ADCY5: variants seen among roughly 807,000 people sequenced by gnomAD.
ADCY5 encodes the protein adenylate cyclase type 5.
A neutral mutation model predicts 119.7 loss-of-function variants in ADCY5; 30 were observed. The ratio of observed to expected loss-of-function variants is 0.25; its 90% confidence interval spans 0.19 to 0.34. The LOEUF is 0.34. ADCY5 is among the 10% of genes least tolerant of loss of function. The pLI is 1.00. For synonymous variants in ADCY5, 753 were observed against 762.2 expected (o/e 0.99, Z 0.20); for missense variants, 1,324 against 1,775.2 (o/e 0.75, Z 4.57).
At chr3:123,337,250 C>T (rs1055812954) in intron 3 of ADCY5, among the ~76,000 whole-genome samples, 8 of 152,212 alleles carry the variant, frequency 5.3e-5, no homozygotes, top group Non-Finnish European at 2.9e-5. Flanking sequence ...TGATTCACGG[C>T]TACGACCCAG....
intron 1 of ADCY5, among the ~76,000 whole-genome samples, chr3:123,423,924 C>G (rs981335932): frequency 6.6e-6 from 1 of 152,250 alleles, no homozygotes; most frequent in African/African-American, 2.4e-5. Context: ...CTTCCACACA[C>G]AGGCCAACGC....
chr3:123,372,260 G>A (rs974016742), intron 1 of ADCY5, among the ~76,000 whole-genome samples: 5 of 151,842 alleles, frequency 3.3e-5, no homozygotes, highest in Non-Finnish European at 7.4e-5. Context: ...CCAGCCCCAG[G>A]GACCCCCTCA....
intron 8 of ADCY5, among the ~76,000 whole-genome samples, chr3:123,321,725 T>C (rs147475141): frequency 5.9e-5 from 9 of 152,308 alleles, no homozygotes; most frequent in South Asian, 2.1e-4. Context: ...CCACTCTTCA[T>C]TCCCAATGAG....
chr3:123,366,617 T>C (rs1943449156), intron 1 of ADCY5, among the ~76,000 whole-genome samples: 2 of 152,158 alleles, frequency 1.3e-5, no homozygotes, highest in South Asian at 2.1e-4. Context: ...AAAATTCACT[T>C]ATCTTACACA....
chr3:123,329,373 T>G (rs914174512), intron 5 of ADCY5, among the ~76,000 whole-genome samples: 2 of 152,142 alleles, frequency 1.3e-5, no homozygotes, highest in African/African-American at 4.8e-5. Flanking sequence ...GGGTGCTCCA[T>G]GCCCTAGAGG....
chr3:123,374,006 C>T (rs1943736787), intron 1 of ADCY5, among the ~76,000 whole-genome samples: 1 of 152,142 alleles, frequency 6.6e-6, no homozygotes, highest in Non-Finnish European at 1.5e-5. Flanking sequence ...ATGGGCAGCA[C>T]CATGGGACAT....
chr3:123,326,783 G>C (rs1031332233), intron 7 of ADCY5, among the ~76,000 whole-genome samples: 4 of 113,780 alleles, frequency 3.5e-5, no homozygotes, highest in African/African-American at 1.1e-4. Context: ...GGTAGGATAA[G>C]GTGTCCCTCT....
At chr3:123,313,168 G>T (rs1020621700) in intron 12 of ADCY5, among the ~76,000 whole-genome samples, 1 of 152,194 alleles carries the variant, frequency 6.6e-6, no homozygotes, top group African/African-American at 2.4e-5. Context: ...CACCTGCCAG[G>T]GGAGGTGAAC....
intron 1 of ADCY5, among the ~76,000 whole-genome samples, chr3:123,423,333 C>T (rs1040495480): frequency 2.0e-5 from 3 of 152,192 alleles, no homozygotes; most frequent in Admixed American, 6.5e-5. Flanking sequence ...GAAGGGGAAG[C>T]GGAGGGAAGC....
intron 12 of ADCY5, among the ~76,000 whole-genome samples, chr3:123,311,159 C>T (rs763866173): frequency 6.6e-6 from 1 of 152,220 alleles, no homozygotes; most frequent in African/African-American, 2.4e-5. Flanking sequence ...TAGGAACTGT[C>T]GCATCTCATT....
chr3:123,317,774 C>A (rs551059479), intron 11 of ADCY5, among the ~76,000 whole-genome samples: 3 of 150,512 alleles, frequency 2.0e-5, no homozygotes, highest in South Asian at 2.1e-4. Flanking sequence ...AAAGAAGCAT[C>A]TTTCATGCAG....
At chr3:123,419,453 G>A (rs1231598614) in intron 1 of ADCY5, among the ~76,000 whole-genome samples, 1 of 152,028 alleles carries the variant, frequency 6.6e-6, no homozygotes, top group Non-Finnish European at 1.5e-5. Context: ...TGCCAGACTT[G>A]CATCAGCCTC....
At chr3:123,442,050 C>T (rs1221952910) in intron 1 of ADCY5, among the ~76,000 whole-genome samples, 2 of 151,336 alleles carry the variant, frequency 1.3e-5, no homozygotes, top group African/African-American at 2.4e-5. Context: ...GAATACTGAT[C>T]CTGCCTTCCA....
rs999555194 is a variant in ADCY5 at position 123,396,245 on chromosome 3, AAG to A, written c.1135-43666_1135-43665del. The stretch of plus-strand genomic sequence containing the variant: ...AGAAAAAGAAACAAAGAAAGAGAAA[AAG>A]AGAGAGGGAGGGAAGGAAGGAGAGA... On this transcript the variant is annotated intron_variant, in intron 1 of 20. Coordinates refer to ENST00000462833, the MANE Select transcript of ADCY5 (RefSeq NM_183357.3). Among the ~76,000 whole-genome samples, 15 of 136,758 alleles carry A rather than the reference AAG, an allele frequency of 1.1e-4. 1 individual carries two copies. Among genetic ancestry groups the A allele is most frequent in the African/African-American group, 3.7e-4 (14 of 37,758 alleles). The allele number at this position is 136,758 out of a possible 152,430, so 89.7% of individuals were successfully genotyped here. A position where few individuals can be genotyped will look rare whatever the true frequency, so the allele number is the denominator to read the frequency against.
chr3:123,359,699 A>G (rs562576067), intron 1 of ADCY5, among the ~76,000 whole-genome samples: 2 of 152,328 alleles, frequency 1.3e-5, no homozygotes, highest in South Asian at 2.1e-4. Context: ...CAGCTCCCCA[A>G]GCTCTGGGCA....
intron 1 of ADCY5, among the ~76,000 whole-genome samples, chr3:123,369,087 G>A (rs1444922863): frequency 2.0e-5 from 3 of 152,154 alleles, no homozygotes; most frequent in Non-Finnish European, 2.9e-5. Flanking sequence ...TCAATTGGAG[G>A]TGGGGCCTCT....
rs370873752 is a variant in ADCY5, at chr3:123,303,139, G to A, written c.2640C>T (p.His880=). Residue 880 remains histidine (H), a synonymous_variant, in exon 14 of 21, where the codon CAC becomes CAT. Coordinates refer to ENST00000462833, the MANE Select transcript of ADCY5 (RefSeq NM_183357.3). ...NISASQVNAC[H]VAESAVNYSL... ...TGTAGTTGACGGCCGACTCCGCCAC[G>A]TGACACGCGTTGACCTGGCTCGCGC... is the stretch of plus-strand genomic sequence containing the variant. 295 of 1,613,886 alleles carry A rather than the reference G, an allele frequency of 1.8e-4. No individual in the cohort carries two copies. In the East Asian group the frequency reaches 2.1e-3, roughly 12 times the overall value.
chr3:123,288,177 CCCAGGGAAAGCCCGATTCCTG>C (rs1938906604), intron 19 of ADCY5, among the ~76,000 whole-genome samples: 1 of 152,132 alleles, frequency 6.6e-6, no homozygotes, highest in African/African-American at 2.4e-5. Context: ...AGCCAGCTGG[CCCAGGGAAAGCCCGATTCCTG>C]ACACTCAGGC....
intron 3 of ADCY5, among the ~76,000 whole-genome samples, chr3:123,337,003 C>T (rs900550719): frequency 2.6e-5 from 4 of 152,274 alleles, no homozygotes; most frequent in Non-Finnish European, 4.4e-5. Flanking sequence ...TTTTCAGCTT[C>T]CCTGGTGACT....
Sources: allele counts gnomAD v4.1 joint callset (sites outside exome capture counted in the v4.1 genomes callset), GRCh38; gene constraint gnomAD v4.1.1; transcripts MANE v1.5; gene names NCBI Gene and HGNC (gene_info 2026-07-23, HGNC 2026-07-21).